The following SLC39A11 variants were observed in gnomAD, a reference collection of about 807,000 sequenced individuals.
SLC39A11 encodes the protein zinc transporter ZIP11.
SLC39A11 carries 33 observed loss-of-function variants against 36.1 expected under a neutral mutation model. That is an observed-to-expected ratio of 0.91 (90% CI 0.69 to 1.22). The LOEUF is 1.22. Ranked by LOEUF, SLC39A11 falls within the 50% of genes most tolerant of loss-of-function variation. The probability of loss-of-function intolerance (pLI) is 0.00; values close to 1 mark genes in which losing one functional copy is unlikely to be tolerated. For synonymous variants in SLC39A11, 166 were observed against 170.3 expected, an observed-to-expected ratio of 0.97 and a Z score of 0.20; for missense variants, 432 against 430.3, an observed-to-expected ratio of 1.00 and a Z score of -0.03.
At chr17:72,734,555 G>A (rs934686156) in intron 7 of SLC39A11, among the ~76,000 whole-genome samples, 30 of 152,222 alleles carry the variant, frequency 2.0e-4, no homozygotes, top group Admixed American at 1.8e-3. Context: ...GGATCCTGTC[G>A]AGGGCTTTTG....
chr17:73,081,733 G>GTA (rs36165884), intron 3 of SLC39A11, among the ~76,000 whole-genome samples: 47,300 of 142,052 alleles, frequency 0.33, 8,533 homozygotes, highest in Middle Eastern at 0.52. Flanking sequence ...ATATATGTAT[G>GTA]TATATATATA....
intron 5 of SLC39A11, among the ~76,000 whole-genome samples, chr17:72,937,023 C>T (rs117654830): frequency 0.014 from 2,092 of 152,306 alleles, 21 homozygotes; most frequent in Middle Eastern, 0.024. Flanking sequence ...GGGACCCTTG[C>T]GGTAGAGGGT....
At chr17:72,792,719 C>T (rs72843291) in intron 6 of SLC39A11, among the ~76,000 whole-genome samples, 10,247 of 152,206 alleles carry the variant, frequency 0.067, 358 homozygotes, top group African/African-American at 0.082. Flanking sequence ...GGCCAGGTCG[C>T]GGAGGCTGTG....
At chr17:72,848,483 G>A (rs35205281) in intron 6 of SLC39A11, among the ~76,000 whole-genome samples, 59,699 of 151,986 alleles carry the variant, frequency 0.39, 11,989 homozygotes, top group East Asian at 0.66. Flanking sequence ...ACTTTGAGGG[G>A]CCGAGGCAGG....
chr17:72,813,299 T>G (rs1283306985), intron 6 of SLC39A11, among the ~76,000 whole-genome samples: 1 of 152,226 alleles, frequency 6.6e-6, no homozygotes, highest in Non-Finnish European at 1.5e-5. Flanking sequence ...TGTCAGATTT[T>G]AATTTGTATT....
chr17:72,915,594 CA>C (rs11318049), intron 5 of SLC39A11, among the ~76,000 whole-genome samples: 22,022 of 152,184 alleles, frequency 0.14, 1,924 homozygotes, highest in Non-Finnish European at 0.2. Context: ...ATCCCACTCC[CA>C]ATCCCAACCG....
At chr17:72,916,015 CT>C (rs1201533424) in intron 5 of SLC39A11, among the ~76,000 whole-genome samples, 4 of 152,172 alleles carry the variant, frequency 2.6e-5, no homozygotes, top group African/African-American at 7.2e-5. Flanking sequence ...GAGATCTGGC[CT>C]TTTGTTTTAC....
At chr17:73,005,686 C>T (rs564314331) in intron 4 of SLC39A11, among the ~76,000 whole-genome samples, 1 of 152,332 alleles carries the variant, frequency 6.6e-6, no homozygotes, top group East Asian at 1.9e-4. Context: ...TGGTGGCTCA[C>T]GCCTGTAATC....
rs771997568 is a variant in SLC39A11 at position 72,648,917 on chromosome 17, A to C, written c.815T>G (p.Phe272Cys). The C allele has an allele frequency of 6.2e-7, 1 of 1,614,056 alleles. No individual in the cohort carries two copies. Among genetic ancestry groups the C allele is most frequent in the Admixed American group, 1.7e-5 (1 of 60,022 alleles). Residue 272 changes from phenylalanine to cysteine, a missense_variant, in exon 9 of 10, where the codon TTT (phenylalanine) becomes TGT (cysteine). Transcript: ENST00000255559. ...SGMVEPLAGV[F>C]GAFAVVLAEP... Reference sequence around the variant, plus strand: ...AGCCAGCACCACGGCAAAGGCACCAAAGACCCCGGCCAGGGGCTCCACCAT... The same window carrying C: ...AGCCAGCACCACGGCAAAGGCACCACAGACCCCGGCCAGGGGCTCCACCAT...
In SLC39A11 at chr17:72,825,331, G is replaced by T. The variant is rs191477415; in HGVS notation, c.601+24303C>A. The stretch of plus-strand genomic sequence containing the variant: ...TCCACGTGGTGGTAAGCTTTTGGGT[G>T]TTCAGAAGGCAAGAGCTGAAGCTTG... On this transcript the variant is annotated intron_variant, in intron 6 of 9. Coordinates refer to ENST00000255559, the MANE Select transcript of SLC39A11 (RefSeq NM_139177.4). Among the ~76,000 whole-genome samples, 101 of 152,332 alleles carry T rather than the reference G, an allele frequency of 6.6e-4. 1 individual carries two copies. The highest frequency in any genetic ancestry group is 1.3e-3 in the Non-Finnish European group (87 of 68,032).
In SLC39A11 at chr17:73,060,287, C is replaced by G. The variant is rs1481231744; in HGVS notation, c.147+24521G>C. On this transcript the variant is annotated intron_variant, in intron 3 of 9. Transcript: ENST00000255559. The stretch of plus-strand genomic sequence containing the variant: ...TAAAAAAAAAAAAGTTGGGGGGTTT[C>G]TTTACCTTTTAGGAAACTGGCAAAG... Among the ~76,000 whole-genome samples the G allele has an allele frequency of 3.4e-5, 5 of 146,756 alleles. No homozygotes were observed. The East Asian group carries it at 1.0e-3, about 30-fold the overall frequency.
chr17:72,751,167 G>A (rs1436503385), intron 6 of SLC39A11, among the ~76,000 whole-genome samples: 2 of 152,180 alleles, frequency 1.3e-5, no homozygotes, highest in African/African-American at 4.8e-5. Flanking sequence ...AGAATCACTT[G>A]AGCCCAGAAG....
intron 7 of SLC39A11, among the ~76,000 whole-genome samples, chr17:72,651,941 C>T (rs965940116): frequency 2.0e-5 from 3 of 152,196 alleles, no homozygotes; most frequent in Non-Finnish European, 2.9e-5. Flanking sequence ...CAAGTTTGTG[C>T]TCTCCTTTGA....
chr17:73,021,652 A>G (rs1397775748), intron 4 of SLC39A11, among the ~76,000 whole-genome samples: 1 of 152,018 alleles, frequency 6.6e-6, no homozygotes, highest in Non-Finnish European at 1.5e-5. Context: ...ACTCATAATC[A>G]TCTTTGCCAC....
chr17:72,780,520 T>TG (rs140108885), intron 6 of SLC39A11, among the ~76,000 whole-genome samples: 24,348 of 54,722 alleles, frequency 0.44, 4,402 homozygotes, highest in Non-Finnish European at 0.53. Flanking sequence ...GCCCTGAAGA[T>TG]GGGGGGCGGG....
chr17:72,967,788 T>C (rs2087120153), intron 4 of SLC39A11, among the ~76,000 whole-genome samples: 1 of 152,166 alleles, frequency 6.6e-6, no homozygotes, highest in Non-Finnish European at 1.5e-5. Flanking sequence ...CTCAGATTAA[T>C]GTTGAGAGCC....
chr17:72,694,159 T>C (rs1310153661), intron 7 of SLC39A11, among the ~76,000 whole-genome samples: 4 of 152,058 alleles, frequency 2.6e-5, no homozygotes, highest in African/African-American at 9.7e-5. Flanking sequence ...GAGCCAGCGG[T>C]GGGTGAGGCA....
intron 4 of SLC39A11, among the ~76,000 whole-genome samples, chr17:73,014,370 A>T (rs2090695015): frequency 6.6e-6 from 1 of 152,138 alleles, no homozygotes; most frequent in African/African-American, 2.4e-5. Context: ...AACTATCAAA[A>T]ACTAGATACG....
chr17:72,757,421 G>A (rs2075397403), intron 6 of SLC39A11, among the ~76,000 whole-genome samples: 1 of 152,132 alleles, frequency 6.6e-6, no homozygotes, highest in African/African-American at 2.4e-5. Flanking sequence ...CCTGGTGGTG[G>A]GAAAGGTGGG....
Sources: gnomAD v4.1 joint callset for allele counts (sites outside exome capture counted in the v4.1 genomes callset) on GRCh38, gnomAD v4.1.1 for gene constraint, MANE v1.5 for transcripts, NCBI Gene and HGNC (gene_info 2026-07-23, HGNC 2026-07-21) for gene names.